Variants in SNRPN observed in about 807,000 individuals in gnomAD.
The protein encoded by SNRPN is small nuclear ribonucleoprotein polypeptide N, also known as small nuclear ribonucleoprotein-associated protein N.
A neutral mutation model predicts 25.2 loss-of-function variants in SNRPN; 7 were observed. The observed-to-expected ratio is 0.28, with a 90% CI of 0.16 to 0.52. SNRPN has a LOEUF of 0.52. Ranked by LOEUF, SNRPN falls within the 20% of genes least tolerant of loss-of-function variation. SNRPN has a pLI of 0.96. For missense variants in SNRPN, 196 were observed against 322.5 expected (o/e 0.61, Z 3.00); for synonymous variants, 124 against 110.6 (o/e 1.12, Z -0.76).
At chr15:24,954,832 G>C (rs530041406), upstream of SNRPN, 31 of 640,646 alleles carry the variant, frequency 4.8e-5, no homozygotes, top group African/African-American at 5.5e-4. Flanking sequence ...TAGGGGTCCA[G>C]TAGCCCCCTC....
At chr15:24,943,515 T>A (rs1273818906) in intron 3 of SNRPN, among the ~76,000 whole-genome samples, 1 of 152,266 alleles carries the variant, frequency 6.6e-6, no homozygotes, top group Non-Finnish European at 1.5e-5. Context: ...TGTCTTCAGA[T>A]CATGTTCTGG....
intron 2 of SNRPN, among the ~76,000 whole-genome samples, chr15:24,834,751 C>CTCTCTCTCTCTCTCTCTATATA: frequency 1.4e-3 from 85 of 60,922 alleles, no homozygotes; most frequent in Non-Finnish European, 1.9e-3. Flanking sequence ...CTCTCTCTCT[C>CTCTCTCTCTCTCTCTCTATATA]TATATATATA....
chr15:24,835,129 T>G (rs28606457), intron 2 of SNRPN, among the ~76,000 whole-genome samples: 628 of 24,858 alleles, frequency 0.025, 187 homozygotes, highest in African/African-American at 0.083. Context: ...ATATAAAATA[T>G]ATAGATATAT....
At chr15:24,863,240 G>A (rs1435823033) in intron 1 of SNRPN, among the ~76,000 whole-genome samples, 1 of 150,766 alleles carries the variant, frequency 6.6e-6, no homozygotes, top group Non-Finnish European at 1.5e-5. Flanking sequence ...TGGATCACTG[G>A]ATCACAAATT....
intron 1 of SNRPN, among the ~76,000 whole-genome samples, chr15:24,874,966 G>C (rs896395674): frequency 6.6e-6 from 1 of 151,820 alleles, no homozygotes; most frequent in Non-Finnish European, 1.5e-5. Flanking sequence ...TGCATTTATA[G>C]TAGTTGAAAG....
chr15:24,970,740 A>T (rs2076295311), intron 3 of SNRPN, among the ~76,000 whole-genome samples: 1 of 152,200 alleles, frequency 6.6e-6, no homozygotes, highest in Non-Finnish European at 1.5e-5. Context: ...ACACATCATG[A>T]GAAGTGCTGA....
chr15:24,969,913 G>C (rs1225050481), intron 3 of SNRPN, among the ~76,000 whole-genome samples: 3 of 152,148 alleles, frequency 2.0e-5, no homozygotes, highest in African/African-American at 7.2e-5. Flanking sequence ...CGGTGGTGCA[G>C]CTTTGAGTAG....
chr15:24,962,301 A>G, intron 2 of SNRPN, 92 bp downstream of exon 2: 2 of 1,005,716 alleles, frequency 2.0e-6, no homozygotes, highest in Non-Finnish European at 3.1e-6. Flanking sequence ...TAAAATGAAC[A>G]TAATTGAAGA....
chr15:24,894,594 A>G (rs2150941128), intron 2 of SNRPN, among the ~76,000 whole-genome samples: 2 of 152,368 alleles, frequency 1.3e-5, no homozygotes, highest in Middle Eastern at 6.8e-3. Flanking sequence ...GAAAGGATCA[A>G]TAACCAATAG....
intron 3 of SNRPN, chr15:24,920,244 A>C (rs1356927480): frequency 6.6e-6 from 1 of 152,166 alleles, no homozygotes; most frequent in Non-Finnish European, 1.5e-5. Flanking sequence ...TTTCTGAATC[A>C]GAAACGTGTT....
At chr15:24,883,908 A>C (rs1238065747) in intron 1 of SNRPN, among the ~76,000 whole-genome samples, 1 of 150,726 alleles carries the variant, frequency 6.6e-6, no homozygotes, top group Non-Finnish European at 1.5e-5. Flanking sequence ...CGGGAGGCTG[A>C]GGCACGAGAA....
intron 2 of SNRPN, among the ~76,000 whole-genome samples, chr15:24,832,613 C>T (rs11853908): frequency 0.022 from 3,378 of 152,034 alleles, 164 homozygotes; most frequent in African/African-American, 0.077. Context: ...AGCCACAATC[C>T]GCTGGGGTCC....
chr15:24,977,079 C>T (rs770650866), intron 7 of SNRPN, 50 bp downstream of exon 7: 19 of 1,451,906 alleles, frequency 1.3e-5, no homozygotes, highest in East Asian at 4.8e-5. Flanking sequence ...ATGACTAAGC[C>T]GGAGGCCGAG....
At chr15:24,949,010 CTTTTTTT>C (rs869100437) in intron 3 of SNRPN, among the ~76,000 whole-genome samples, 6 of 46,408 alleles carry the variant, frequency 1.3e-4, no homozygotes, top group Non-Finnish European at 1.9e-4. Context: ...TTTGCCTATT[CTTTTTTT>C]TTTTTTTTTT....
intron 2 of SNRPN, among the ~76,000 whole-genome samples, chr15:24,886,744 G>A (rs35858485): frequency 0.11 from 16,400 of 152,214 alleles, 1,168 homozygotes; most frequent in Admixed American, 0.23. Context: ...ACATGACGTC[G>A]TTTATGACAA....
intron 2 of SNRPN, among the ~76,000 whole-genome samples, chr15:24,836,175 C>A (rs1473361831): frequency 1.3e-5 from 2 of 152,130 alleles, no homozygotes; most frequent in East Asian, 3.9e-4. Flanking sequence ...ATCCCTGGTT[C>A]TCTCATCCAA....
chr15:24,926,029 C>T (rs533820459), intron 3 of SNRPN, among the ~76,000 whole-genome samples: 18 of 152,032 alleles, frequency 1.2e-4, no homozygotes, highest in Non-Finnish European at 2.4e-4. Flanking sequence ...CCACCGTGCC[C>T]GGCCCACTAA....
At chr15:24,976,206 G>A (rs1240867373) in intron 5 of SNRPN, 99 bp from the exon 6 acceptor site, 3 of 891,726 alleles carry the variant, frequency 3.4e-6, no homozygotes, top group African/African-American at 3.3e-5. Context: ...TAAATGTTTA[G>A]CATCAGTTGT....
intron 2 of SNRPN, among the ~76,000 whole-genome samples, chr15:24,893,392 G>C (rs564175338): frequency 1.3e-5 from 2 of 152,054 alleles, no homozygotes; most frequent in Non-Finnish European, 2.9e-5. Context: ...TAAGGCGGTA[G>C]GATTGGTTGA....
Sources: allele counts gnomAD v4.1 joint callset (sites outside exome capture counted in the v4.1 genomes callset), GRCh38; gene constraint gnomAD v4.1.1; transcripts MANE v1.5; gene names NCBI Gene and HGNC (gene_info 2026-07-23, HGNC 2026-07-21).